Variants in DLG2 observed in about 807,000 individuals in gnomAD.
The protein encoded by DLG2 is disks large homolog 2.
Under a neutral mutation model 132.5 loss-of-function variants are expected in DLG2, and 45 were observed. The ratio of observed to expected loss-of-function variants is 0.34; its 90% confidence interval spans 0.27 to 0.44. The LOEUF is 0.44. DLG2 is among the 20% of genes least tolerant of loss of function. The pLI is 1.00. For missense variants in DLG2, 1,045 were observed against 1,196.9 expected, an observed-to-expected ratio of 0.87 and a Z score of 1.87; for synonymous variants, 424 against 419.6, an observed-to-expected ratio of 1.01 and a Z score of -0.13.
intron 7 of DLG2, among the ~76,000 whole-genome samples, chr11:84,410,974 T>A (rs370839742): frequency 1.3e-5 from 2 of 152,194 alleles, no homozygotes; most frequent in South Asian, 4.1e-4. Flanking sequence ...ATTTTCCTGT[T>A]CATTGTGCTT....
intron 3 of DLG2, among the ~76,000 whole-genome samples, chr11:85,484,463 G>T (rs949929821): frequency 6.6e-6 from 1 of 150,550 alleles, no homozygotes; most frequent in Non-Finnish European, 1.5e-5. Flanking sequence ...CTGACAAAGG[G>T]CTAATATCCA....
intron 8 of DLG2, among the ~76,000 whole-genome samples, chr11:84,218,108 C>T (rs1008378327): frequency 2.6e-5 from 4 of 151,754 alleles, no homozygotes; most frequent in Non-Finnish European, 4.4e-5. Context: ...GTGGAAATTG[C>T]GGTGAGCTGA....
intron 4 of DLG2, among the ~76,000 whole-genome samples, chr11:85,201,538 C>T (rs1412000457): frequency 6.6e-6 from 1 of 152,138 alleles, no homozygotes; most frequent in African/African-American, 2.4e-5. Context: ...GCTTGGGTGC[C>T]CTTTAGTACT....
intron 4 of DLG2, among the ~76,000 whole-genome samples, chr11:85,208,357 T>C (rs776865814): frequency 2.6e-5 from 4 of 152,138 alleles, no homozygotes; most frequent in East Asian, 3.9e-4. Flanking sequence ...TAAGATAAAT[T>C]TCAAATTTCA....
At chr11:84,884,601 A>C (rs1485038010) in intron 6 of DLG2, among the ~76,000 whole-genome samples, 1 of 152,062 alleles carries the variant, frequency 6.6e-6, no homozygotes, top group African/African-American at 2.4e-5. Flanking sequence ...ACTTCAGATT[A>C]ATTTTTAGTG....
At position 85,380,362 on chromosome 11, in the gene DLG2, T is replaced by G. The variant is rs189409124; in HGVS notation, c.41-94997A>C. ...TCAACTATACTGAATAAAAGAATAT[T>G]TAAAAGTGAACATGGGTTGGGCACA... is the stretch of plus-strand genomic sequence containing the variant. On this transcript the variant is annotated intron_variant, in intron 3 of 27. Coordinates refer to ENST00000376104, the MANE Select transcript of DLG2 (RefSeq NM_001142699.3). Among the ~76,000 whole-genome samples, 3 of 152,316 alleles carry G rather than the reference T, an allele frequency of 2.0e-5. No homozygotes were observed. The East Asian group carries it at 5.8e-4, about 29-fold the overall frequency.
intron 11 of DLG2, among the ~76,000 whole-genome samples, chr11:84,003,171 T>C (rs1292243789): frequency 6.6e-6 from 1 of 152,162 alleles, no homozygotes; most frequent in Non-Finnish European, 1.5e-5. Flanking sequence ...TTCATCTCCA[T>C]CTGAGACCAC....
chr11:83,504,128 A>C (rs1391636296), intron 21 of DLG2, among the ~76,000 whole-genome samples: 2 of 152,210 alleles, frequency 1.3e-5, no homozygotes, highest in Non-Finnish European at 2.9e-5. Flanking sequence ...CATGTTTTTA[A>C]CAAAAGAAGG....
intron 6 of DLG2, among the ~76,000 whole-genome samples, chr11:84,559,705 T>C (rs2099419633): frequency 6.6e-6 from 1 of 152,192 alleles, no homozygotes; most frequent in African/African-American, 2.4e-5. Context: ...TAATCTGAAC[T>C]TGCTAACTGT....
chr11:85,042,727 T>C (rs924259007), intron 6 of DLG2, among the ~76,000 whole-genome samples: 22 of 151,954 alleles, frequency 1.4e-4, no homozygotes, highest in Non-Finnish European at 1.2e-4. Flanking sequence ...CTGTCATGTA[T>C]GATATATTTA....
intron 21 of DLG2, among the ~76,000 whole-genome samples, chr11:83,485,399 C>G (rs2093437746): frequency 6.6e-6 from 1 of 152,098 alleles, no homozygotes; most frequent in Non-Finnish European, 1.5e-5. Flanking sequence ...TTACTAATTT[C>G]ATATTCATAT....
At chr11:85,435,738 A>T (rs1472497713) in intron 3 of DLG2, among the ~76,000 whole-genome samples, 1 of 152,234 alleles carries the variant, frequency 6.6e-6, no homozygotes, top group Non-Finnish European at 1.5e-5. Context: ...CATACTACCC[A>T]AAGTAATTTA....
intron 6 of DLG2, among the ~76,000 whole-genome samples, chr11:84,688,973 T>G (rs893023602): frequency 6.6e-6 from 1 of 152,150 alleles, no homozygotes; most frequent in Admixed American, 6.5e-5. Context: ...TACCCAGCCT[T>G]TAGAATGTGG....
chr11:84,579,181 T>A (rs2099510498), intron 6 of DLG2, among the ~76,000 whole-genome samples: 1 of 113,926 alleles, frequency 8.8e-6, no homozygotes, highest in Admixed American at 1.1e-4. Flanking sequence ...ACACCTTGCA[T>A]TATTCACGTG....
chr11:83,590,720 T>A (rs866512042), intron 19 of DLG2, among the ~76,000 whole-genome samples: 2 of 151,580 alleles, frequency 1.3e-5, no homozygotes, highest in South Asian at 2.1e-4. Context: ...TTTGAAAGGA[T>A]CAACAAAATT....
intron 4 of DLG2, among the ~76,000 whole-genome samples, chr11:85,244,261 A>C (rs1324250479): frequency 6.6e-6 from 1 of 151,990 alleles, no homozygotes; most frequent in African/African-American, 2.4e-5. Flanking sequence ...GAAGTTTAGT[A>C]GGTGTGTTTT....
chr11:83,905,964 G>T (rs1448032838), intron 15 of DLG2, among the ~76,000 whole-genome samples: 2 of 151,458 alleles, frequency 1.3e-5, no homozygotes, highest in Non-Finnish European at 2.9e-5. Context: ...GTTGGAAATA[G>T]TTTTGTGAAT....
rs189346927 is a variant in DLG2 at position 85,398,569 on chromosome 11, A to T, written c.41-113204T>A. 2.1e-3 allele frequency among the ~76,000 whole-genome samples: 322 copies of T among 152,332 alleles called. 1 individual carries two copies. The highest frequency in any genetic ancestry group is 3.4e-3 in the Non-Finnish European group (232 of 68,034). ...AGAAGAAAAGAGAAAAGAATCAAAT[A>T]GATGCAATAAAAAATGATAAAGGGG... is the stretch of plus-strand genomic sequence containing the variant. On this transcript the variant is annotated intron_variant, in intron 3 of 27. Transcript: ENST00000376104.
chr11:85,207,100 T>G (rs2081949816), intron 4 of DLG2, among the ~76,000 whole-genome samples: 1 of 152,164 alleles, frequency 6.6e-6, no homozygotes, highest in African/African-American at 2.4e-5. Context: ...ATATAGTATA[T>G]AGTAATTAAA....
Sources: allele counts gnomAD v4.1 joint callset (sites outside exome capture counted in the v4.1 genomes callset), GRCh38; gene constraint gnomAD v4.1.1; transcripts MANE v1.5; gene names NCBI Gene and HGNC (gene_info 2026-07-23, HGNC 2026-07-21).